Variants in HMCN1 observed in about 807,000 individuals in gnomAD.
HMCN1 encodes hemicentin-1.
In HMCN1, 321 loss-of-function variants were observed where a neutral mutation model predicts 625.9. The ratio of observed to expected loss-of-function variants is 0.51; its 90% CI spans 0.47 to 0.56. HMCN1 has a LOEUF of 0.56. Among genes scored for constraint, HMCN1 ranks in the 20% least tolerant of loss-of-function variants. The probability of loss-of-function intolerance (pLI) is 0.00; values close to 1 mark genes in which losing one functional copy is unlikely to be tolerated. For synonymous variants in HMCN1, 2,425 were observed against 2,417.6 expected (o/e 1.00, Z -0.09); for missense variants, 6,588 against 6,887.3 (o/e 0.96, Z 1.54).
Position 186,101,483 on chromosome 1 carries a change from T to C in HMCN1, c.10574-1989T>C, listed in dbSNP as rs1448510211. The stretch of plus-strand genomic sequence containing the variant: ...CCAAATGGAGATGTTTATTTGATAA[T>C]TGCATTTATGAATCTGGAGCTCAGA... On this transcript the variant is annotated intron_variant, in intron 68 of 106. Coordinates refer to ENST00000271588, the MANE Select transcript of HMCN1 (RefSeq NM_031935.3). Among the ~76,000 whole-genome samples the C allele has an allele frequency of 2.0e-5, 3 of 152,272 alleles. No homozygotes were observed. The East Asian group carries it at 5.8e-4, about 29-fold the overall frequency.
intron 46 of HMCN1, 103 bp downstream of exon 46, chr1:186,057,504 C>A: frequency 3.6e-6 from 3 of 826,136 alleles, no homozygotes; most frequent in Admixed American, 1.8e-5. Context: ...TATTTTTTAA[C>A]CTACTGCTTA....
chr1:185,756,968 A>G (rs1306901153), intron 1 of HMCN1, among the ~76,000 whole-genome samples: 1 of 149,708 alleles, frequency 6.7e-6, no homozygotes, highest in Non-Finnish European at 1.5e-5. Context: ...GCAGCTTCCC[A>G]TAGATTTATT....
At chr1:186,052,860 C>T (rs1657052094) in intron 42 of HMCN1, 92 bp from the exon 43 acceptor site, 7 of 1,090,774 alleles carry the variant, frequency 6.4e-6, no homozygotes, top group African/African-American at 1.5e-5. Flanking sequence ...TTCCTTATGT[C>T]ATTTGAGTAG....
intron 4 of HMCN1, among the ~76,000 whole-genome samples, chr1:185,870,722 TAAGTTA>T (rs1663558296): frequency 6.6e-6 from 1 of 152,154 alleles, no homozygotes; most frequent in African/African-American, 2.4e-5. Flanking sequence ...TTACACTCTT[TAAGTTA>T]TTTTCAAATG....
At chr1:186,183,491 A>T (rs905955290) in intron 105 of HMCN1, among the ~76,000 whole-genome samples, 11 of 152,222 alleles carry the variant, frequency 7.2e-5, no homozygotes, top group Non-Finnish European at 1.2e-4. Flanking sequence ...ATTTCTTAAG[A>T]ACCTACCCCA....
intron 25 of HMCN1, among the ~76,000 whole-genome samples, chr1:185,999,086 G>A (rs1387011055): frequency 4.6e-5 from 7 of 151,824 alleles, no homozygotes; most frequent in Admixed American, 1.3e-4. Context: ...CTCAATTTAA[G>A]TGTAGCTTCA....
At chr1:185,946,316 T>A (rs1668343395) in intron 11 of HMCN1, among the ~76,000 whole-genome samples, 1 of 152,164 alleles carries the variant, frequency 6.6e-6, no homozygotes, top group Non-Finnish European at 1.5e-5. Flanking sequence ...CGTATTTATG[T>A]GAAATTATCC....
At chr1:186,108,035 T>TAAA (rs559777006) in intron 70 of HMCN1, among the ~76,000 whole-genome samples, 13 of 98,300 alleles carry the variant, frequency 1.3e-4, no homozygotes, top group African/African-American at 4.4e-4. Flanking sequence ...GTAAATTCTG[T>TAAA]AAAAAAAAAA....
At chr1:185,812,734 C>T (rs974636847) in intron 1 of HMCN1, among the ~76,000 whole-genome samples, 3 of 152,006 alleles carry the variant, frequency 2.0e-5, no homozygotes, top group African/African-American at 7.2e-5. Context: ...CAGCAGGTTG[C>T]TTTCTGGTTC....
intron 1 of HMCN1, among the ~76,000 whole-genome samples, chr1:185,788,462 A>G (rs1395813750): frequency 6.6e-6 from 1 of 152,244 alleles, no homozygotes; most frequent in African/African-American, 2.4e-5. Context: ...CTGTTGACAG[A>G]TAAATGCAGA....
At position 185,901,402 on chromosome 1, in the gene HMCN1, G is replaced by A. The variant is rs544147844; in HGVS notation, c.622-7935G>A. 2.6e-4 allele frequency among the ~76,000 whole-genome samples: 39 copies of A among 151,718 alleles called. No individual in the cohort carries two copies. In the South Asian group the frequency reaches 7.9e-3, roughly 31 times the overall value. On this transcript the variant is annotated intron_variant, in intron 4 of 106. Coordinates refer to ENST00000271588, the MANE Select transcript of HMCN1 (RefSeq NM_031935.3). ...TTCAAAGGTAGAAATGAGGGGTGAT[G>A]GACATACAAAGAAATTCACCACATG...
At chr1:186,113,625 A>C (rs1660989833) in intron 72 of HMCN1, among the ~76,000 whole-genome samples, 1 of 152,212 alleles carries the variant, frequency 6.6e-6, no homozygotes, top group African/African-American at 2.4e-5. Flanking sequence ...AAGCTGTTCC[A>C]GTGTTAGCAT....
intron 2 of HMCN1, among the ~76,000 whole-genome samples, chr1:185,850,003 A>G (rs1365257244): frequency 6.6e-6 from 1 of 152,170 alleles, no homozygotes; most frequent in Non-Finnish European, 1.5e-5. Flanking sequence ...TATTATATTC[A>G]TGGATCTTGG....
chr1:186,049,750 CTA>C (rs1483934982), intron 42 of HMCN1, among the ~76,000 whole-genome samples: 1 of 151,808 alleles, frequency 6.6e-6, no homozygotes, highest in Non-Finnish European at 1.5e-5. Context: ...AAAAATAAAA[CTA>C]GATGAAATAA....
At chr1:186,054,213 A>T (rs1657154022) in intron 44 of HMCN1, among the ~76,000 whole-genome samples, 1 of 152,016 alleles carries the variant, frequency 6.6e-6, no homozygotes, top group African/African-American at 2.4e-5. Context: ...CCAATGACAG[A>T]CACATCAATG....
At chr1:185,775,060 G>A (rs1656500950) in intron 1 of HMCN1, among the ~76,000 whole-genome samples, 1 of 152,152 alleles carries the variant, frequency 6.6e-6, no homozygotes. Flanking sequence ...CTTTTCAGAT[G>A]AACAATCTGA....
intron 41 of HMCN1, among the ~76,000 whole-genome samples, chr1:186,046,839 G>T (rs900467649): frequency 6.6e-6 from 1 of 152,256 alleles, no homozygotes; most frequent in African/African-American, 2.4e-5. Flanking sequence ...AAGGAATTCA[G>T]ATTCAGGAGG....
At chr1:185,892,550 G>A (rs981295334) in intron 4 of HMCN1, among the ~76,000 whole-genome samples, 18 of 152,114 alleles carry the variant, frequency 1.2e-4, no homozygotes, top group African/African-American at 4.1e-4. Flanking sequence ...TCAGCTGCAG[G>A]TCTGTTGGAG....
chr1:186,035,134 G>A lies in HMCN1; in HGVS notation c.5750-2800G>A, dbSNP rs537591104. Among the ~76,000 whole-genome samples, 10 of 152,204 alleles carry A rather than the reference G, an allele frequency of 6.6e-5. No homozygotes were observed. The East Asian group carries it at 1.7e-3, about 26-fold the overall frequency. On this transcript the variant is annotated intron_variant, in intron 36 of 106. Coordinates refer to ENST00000271588, the MANE Select transcript of HMCN1 (RefSeq NM_031935.3). ...CTTTTCCAGTTGGAAAAGTTAGATA[G>A]CTATATTTATAAGTCTTGTGTCCTT...
Sources: allele counts gnomAD v4.1 joint callset (sites outside exome capture counted in the v4.1 genomes callset), GRCh38; gene constraint gnomAD v4.1.1; transcripts MANE v1.5; gene names NCBI Gene and HGNC (gene_info 2026-07-23, HGNC 2026-07-21).